MED15: variants seen among roughly 807,000 people sequenced by gnomAD.
The protein encoded by MED15 is mediator complex subunit 15, also known as mediator of RNA polymerase II transcription subunit 15.
A neutral mutation model predicts 118.7 loss-of-function variants in MED15; 41 were observed. That is an observed-to-expected ratio of 0.35 (90% CI 0.27 to 0.45). MED15 has a LOEUF of 0.45. Ranked by LOEUF, MED15 falls within the 20% of genes least tolerant of loss-of-function variation. The probability of loss-of-function intolerance (pLI) is 1.00; values close to 1 mark genes in which losing one functional copy is unlikely to be tolerated. For missense variants in MED15, 740 were observed against 1,025.5 expected (o/e 0.72, Z 3.80); for synonymous variants, 436 against 413.9 (o/e 1.05, Z -0.65).
intron 1 of MED15, among the ~76,000 whole-genome samples, chr22:20,514,925 C>T (rs1239876303): frequency 6.6e-6 from 1 of 152,244 alleles, no homozygotes; most frequent in Non-Finnish European, 1.5e-5. Flanking sequence ...TTTCCAGCTT[C>T]ATAGCCTGGT....
At chr22:20,522,627 G>A (rs1021792582) in intron 1 of MED15, 2 of 152,210 alleles carry the variant, frequency 1.3e-5, no homozygotes, top group African/African-American at 2.4e-5. Flanking sequence ...CAGTTCTCCT[G>A]CCACAGCCTC....
rs79344785 is a variant in MED15 at position 20,512,453 on chromosome 22, C to T, written c.68+4707C>T. Among the ~76,000 whole-genome samples the T allele has an allele frequency of 2.3e-3, 346 of 152,068 alleles. 1 individual carries two copies. The highest frequency in any genetic ancestry group is 7.5e-3 in the African/African-American group (311 of 41,472). On this transcript the variant is annotated intron_variant, in intron 1 of 17. Transcript: ENST00000263205. The stretch of plus-strand genomic sequence containing the variant: ...CCCTGCTTGATCTAAAGTTGGTCAC[C>T]GCCTCTGATATGTTTTATCTCAGCC...
Position 20,583,203 on chromosome 22 carries a change from T to C in MED15, c.1628T>C (p.Ile543Thr). 6.2e-7 allele frequency: 1 copy of C among 1,611,906 alleles called. No homozygotes were observed. ...LDKLKQLSKY[I>T]EPLRRMINKI... ...AAGCTGAAGCAGCTGTCGAAGTACATCGAGCCCCTGCGCCGCATGATCAAC... is the reference window on the plus strand; with the variant it reads ...AAGCTGAAGCAGCTGTCGAAGTACACCGAGCCCCTGCGCCGCATGATCAAC... Residue 543 changes from isoleucine to threonine, a missense_variant, in exon 12 of 18, where the codon ATC (isoleucine) becomes ACC (threonine). Coordinates refer to ENST00000263205, the MANE Select transcript of MED15 (RefSeq NM_001003891.3).
intron 1 of MED15, among the ~76,000 whole-genome samples, chr22:20,535,352 A>T (rs554204842): frequency 1.1e-4 from 16 of 151,172 alleles, no homozygotes; most frequent in African/African-American, 3.4e-4. Flanking sequence ...TCAGCATTAA[A>T]CCTCCTTTCT....
At chr22:20,537,246 G>C in intron 2 of MED15, 42 bp downstream of exon 2, 1 of 1,566,626 alleles carries the variant, frequency 6.4e-7, no homozygotes, top group Non-Finnish European at 8.8e-7. Context: ...AGAGAGACTT[G>C]GAGAGGAGAG....
chr22:20,527,855 G>T (rs1485916847), intron 1 of MED15, among the ~76,000 whole-genome samples: 2 of 151,764 alleles, frequency 1.3e-5, no homozygotes, highest in East Asian at 3.9e-4. Context: ...TACTCGGGAG[G>T]CTGAGGCAGA....
At chr22:20,544,641 G>A (rs1036627434) in intron 2 of MED15, among the ~76,000 whole-genome samples, 4 of 152,154 alleles carry the variant, frequency 2.6e-5, no homozygotes, top group Non-Finnish European at 5.9e-5. Flanking sequence ...ACACCAGCCT[G>A]GGTGACAGAG....
chr22:20,566,036 T>G (rs1167016551), intron 6 of MED15, among the ~76,000 whole-genome samples: 27 of 149,876 alleles, frequency 1.8e-4, no homozygotes, highest in Non-Finnish European at 3.1e-4. Context: ...AGGCCTTTTT[T>G]TTTTTTTTTT....
chr22:20,530,212 G>C (rs958459097), intron 1 of MED15, among the ~76,000 whole-genome samples: 1 of 152,162 alleles, frequency 6.6e-6, no homozygotes, highest in Admixed American at 6.5e-5. Context: ...CCTGTCCCAG[G>C]TGGGCAAGCA....
chr22:20,551,396 C>G, intron 2 of MED15, 40 bp from the exon 3 acceptor site: 1 of 1,595,330 alleles, frequency 6.3e-7, no homozygotes, highest in Non-Finnish European at 8.6e-7. Flanking sequence ...GACTGCGCTT[C>G]TTCATCTGGT....
chr22:20,576,733 G>A (rs1036046152), intron 9 of MED15, among the ~76,000 whole-genome samples: 1 of 152,236 alleles, frequency 6.6e-6, no homozygotes, highest in Non-Finnish European at 1.5e-5. Flanking sequence ...TGGAAAGGAG[G>A]CCAGTGTGGG....
At chr22:20,520,502 A>G (rs934787142) in intron 1 of MED15, among the ~76,000 whole-genome samples, 1 of 152,208 alleles carries the variant, frequency 6.6e-6, no homozygotes, top group African/African-American at 2.4e-5. Flanking sequence ...CAGGCCAACC[A>G]AAGAACAGGG....
intron 1 of MED15, chr22:20,523,680 G>A (rs1271704555): frequency 8.1e-6 from 8 of 985,162 alleles, no homozygotes; most frequent in African/African-American, 5.2e-5. Flanking sequence ...ACTTTCAGGC[G>A]AGACCTAGGG....
intron 5 of MED15, among the ~76,000 whole-genome samples, chr22:20,558,014 G>A (rs2056087783): frequency 6.6e-6 from 1 of 152,220 alleles, no homozygotes. Context: ...ACTAAGGCAG[G>A]AGAATGGCAT....
chr22:20,560,326 G>A (rs1034903469), intron 5 of MED15, among the ~76,000 whole-genome samples: 1 of 152,064 alleles, frequency 6.6e-6, no homozygotes, highest in Non-Finnish European at 1.5e-5. Flanking sequence ...GTGCAGTGGT[G>A]CAATGTCGGC....
intron 2 of MED15, among the ~76,000 whole-genome samples, chr22:20,550,795 A>G (rs1212580): frequency 0.8 from 122,222 of 152,282 alleles, 49,105 homozygotes; most frequent in East Asian, 0.86. Flanking sequence ...CCCCTGCCAG[A>G]CAATCTCAGA....
intron 2 of MED15, among the ~76,000 whole-genome samples, chr22:20,538,031 C>A (rs1430100697): frequency 1.3e-5 from 2 of 152,190 alleles, no homozygotes; most frequent in Non-Finnish European, 2.9e-5. Context: ...TTATACGGTT[C>A]ACCCTTTAAA....
At chr22:20,527,827 C>T (rs756855319) in intron 1 of MED15, among the ~76,000 whole-genome samples, 113 of 151,864 alleles carry the variant, frequency 7.4e-4, no homozygotes, top group Non-Finnish European at 1.1e-3. Flanking sequence ...CATGGTGGCG[C>T]GCGCCTGTAG....
intron 9 of MED15, among the ~76,000 whole-genome samples, chr22:20,577,094 T>C (rs1316150290): frequency 6.6e-6 from 1 of 152,194 alleles, no homozygotes; most frequent in African/African-American, 2.4e-5. Flanking sequence ...GTTTGAGCAT[T>C]TAGCCCCTTT....
Sources: allele counts gnomAD v4.1 joint callset (sites outside exome capture counted in the v4.1 genomes callset), GRCh38; gene constraint gnomAD v4.1.1; transcripts MANE v1.5; gene names NCBI Gene and HGNC (gene_info 2026-07-23, HGNC 2026-07-21).